The following FAT3 variants were observed in gnomAD, a reference collection of about 807,000 sequenced individuals.
The protein encoded by FAT3 is protocadherin Fat 3.
FAT3 carries 95 observed loss-of-function variants against 310.2 expected under a neutral mutation model. That is an observed-to-expected ratio of 0.31 (90% CI 0.26 to 0.36). The LOEUF (loss-of-function observed/expected upper bound fraction) is 0.36, where lower values mean the gene tolerates loss of function less well. Among genes scored for constraint, FAT3 ranks in the 10% least tolerant of loss-of-function variants. The pLI is 1.00. For synonymous variants in FAT3, 2,314 were observed against 2,192.9 expected (o/e 1.06, Z -1.54); for missense variants, 5,408 against 5,715.6 (o/e 0.95, Z 1.74).
chr11:92,861,635 T>C (rs533758293), intron 21 of FAT3, among the ~76,000 whole-genome samples: 1 of 152,364 alleles, frequency 6.6e-6, no homozygotes, highest in South Asian at 2.1e-4. Context: ...TTGCTTTTCA[T>C]ATGTTGGGTT....
intron 1 of FAT3, among the ~76,000 whole-genome samples, chr11:92,266,057 A>G (rs977935036): frequency 1.3e-5 from 2 of 152,160 alleles, no homozygotes; most frequent in Non-Finnish European, 2.9e-5. Flanking sequence ...TATGGCTTCA[A>G]TAATTACTTT....
intron 22 of FAT3, among the ~76,000 whole-genome samples, chr11:92,868,794 TA>T (rs916752400): frequency 2.6e-4 from 39 of 152,340 alleles, no homozygotes; most frequent in African/African-American, 9.4e-4. Context: ...TTTTAATTTT[TA>T]AAAAAATTTC....
chr11:92,696,863 T>C (rs1943954879), intron 3 of FAT3, among the ~76,000 whole-genome samples: 1 of 141,040 alleles, frequency 7.1e-6, no homozygotes, highest in Non-Finnish European at 1.6e-5. Flanking sequence ...CAGTATGAAA[T>C]CTTTTGTGTG....
At chr11:92,462,944 CT>C (rs1371933564) in intron 2 of FAT3, among the ~76,000 whole-genome samples, 3 of 152,134 alleles carry the variant, frequency 2.0e-5, no homozygotes, top group Non-Finnish European at 4.4e-5. Context: ...TTTTTAAGTC[CT>C]TTATCCTCTC....
At chr11:92,258,853 C>G (rs1865421632) in intron 1 of FAT3, among the ~76,000 whole-genome samples, 4 of 151,852 alleles carry the variant, frequency 2.6e-5, no homozygotes, top group African/African-American at 9.7e-5. Context: ...AATGAAGACA[C>G]AGAACTAGTG....
intron 1 of FAT3, among the ~76,000 whole-genome samples, chr11:92,238,659 T>C (rs1435848369): frequency 6.6e-6 from 1 of 152,112 alleles, no homozygotes; most frequent in African/African-American, 2.4e-5. Flanking sequence ...TTGAGAAGCC[T>C]GCACAGAACT....
intron 2 of FAT3, among the ~76,000 whole-genome samples, chr11:92,368,836 A>ATATATATATATG (rs1188355089): frequency 8.2e-5 from 12 of 145,564 alleles, no homozygotes; most frequent in African/African-American, 3.0e-4. Flanking sequence ...GTGTATACAT[A>ATATATATATATG]TATATATATA....
intron 13 of FAT3, among the ~76,000 whole-genome samples, chr11:92,816,020 G>A (rs1462293671): frequency 6.6e-6 from 1 of 152,178 alleles, no homozygotes; most frequent in Non-Finnish European, 1.5e-5. Context: ...TGCTACATAG[G>A]TCCATGTGGG....
chr11:92,805,416 C>T, intron 11 of FAT3, 67 bp downstream of exon 11: 1 of 1,491,424 alleles, frequency 6.7e-7, no homozygotes, highest in Non-Finnish European at 9.0e-7. Context: ...ACCCATTTCA[C>T]TTTTCTTCTT....
chr11:92,376,039 G>A (rs796137543), intron 2 of FAT3, among the ~76,000 whole-genome samples: 4 of 152,218 alleles, frequency 2.6e-5, no homozygotes, highest in African/African-American at 7.2e-5. Context: ...ACATTAAAAC[G>A]CCAGATATTA....
intron 1 of FAT3, among the ~76,000 whole-genome samples, chr11:92,258,816 A>G (rs1278506013): frequency 6.6e-6 from 1 of 151,944 alleles, no homozygotes; most frequent in Non-Finnish European, 1.5e-5. Flanking sequence ...AGTTAGGAAG[A>G]GTTGTAATAA....
chr11:92,227,622 G>C (rs959369862), intron 1 of FAT3, among the ~76,000 whole-genome samples: 1 of 152,124 alleles, frequency 6.6e-6, no homozygotes, highest in East Asian at 1.9e-4. Flanking sequence ...GTGGAGATTT[G>C]AATCTGAGAA....
At chr11:92,625,375 C>T (rs865884597) in intron 3 of FAT3, among the ~76,000 whole-genome samples, 12 of 152,162 alleles carry the variant, frequency 7.9e-5, no homozygotes, top group Non-Finnish European at 1.8e-4. Context: ...TATACACTGG[C>T]TGTCAGATCC....
rs1864065177 is a variant in FAT3, at chr11:92,229,491, T to TTTTTTTTTTTTC, written c.-18+4317_-18+4318insTTTTTTTTTTTC. ...CTTGTTTTCTTTTTTTGTTTTTTCG[T>TTTTTTTTTTTTC]GTTTTTTTTTTTTTTGTTTTTTGTT... is the stretch of plus-strand genomic sequence containing the variant. On this transcript the variant is annotated intron_variant, in intron 1 of 27. Transcript: ENST00000525166. Among the ~76,000 whole-genome samples the TTTTTTTTTTTTC allele has an allele frequency of 3.0e-5, 2 of 67,472 alleles. 1 individual carries two copies. Among genetic ancestry groups the TTTTTTTTTTTTC allele is most frequent in the Admixed American group, 4.0e-4 (2 of 5,036 alleles). The allele number at this position is 67,472 out of a possible 152,430, so 44.3% of individuals were successfully genotyped here.
chr11:92,330,056 A>G (rs1245012839), intron 1 of FAT3, among the ~76,000 whole-genome samples: 2 of 152,136 alleles, frequency 1.3e-5, no homozygotes, highest in African/African-American at 4.8e-5. Flanking sequence ...ATGAGAAGAA[A>G]GCTAACAGAC....
intron 4 of FAT3, among the ~76,000 whole-genome samples, chr11:92,706,306 C>T (rs1251800896): frequency 6.6e-6 from 1 of 152,068 alleles, no homozygotes; most frequent in Non-Finnish European, 1.5e-5. Flanking sequence ...ACAAACCTTT[C>T]AGAGCAAATA....
At chr11:92,630,572 G>A (rs1457751821) in intron 3 of FAT3, among the ~76,000 whole-genome samples, 4 of 152,142 alleles carry the variant, frequency 2.6e-5, no homozygotes, top group Admixed American at 1.3e-4. Context: ...TCCACAGTAT[G>A]TTTTCCCCCA....
At chr11:92,265,464 A>G (rs1046813864) in intron 1 of FAT3, among the ~76,000 whole-genome samples, 1 of 151,882 alleles carries the variant, frequency 6.6e-6, no homozygotes, top group African/African-American at 2.4e-5. Flanking sequence ...GCAAATGAGT[A>G]AACAGGAAAT....
At chr11:92,845,193 A>G (rs1281392202) in intron 19 of FAT3, among the ~76,000 whole-genome samples, 1 of 152,242 alleles carries the variant, frequency 6.6e-6, no homozygotes, top group Middle Eastern at 3.2e-3. Context: ...GGGATGTGAA[A>G]TAAGGCTTGA....
Sources: gnomAD v4.1 joint callset for allele counts (sites outside exome capture counted in the v4.1 genomes callset) on GRCh38, gnomAD v4.1.1 for gene constraint, MANE v1.5 for transcripts, NCBI Gene and HGNC (gene_info 2026-07-23, HGNC 2026-07-21) for gene names.